The following EYS variants were observed in gnomAD, a reference collection of about 807,000 sequenced individuals.
EYS encodes protein eyes shut homolog.
A neutral mutation model predicts 282.1 loss-of-function variants in EYS; 250 were observed. The observed-to-expected ratio is 0.89, with a 90% confidence interval of 0.80 to 0.98. EYS has a LOEUF of 0.98. Among genes scored for constraint, EYS ranks in the 50% least tolerant of loss-of-function variants. EYS has a pLI of 0.00. For synonymous variants in EYS, 1,355 were observed against 1,282.9 expected (o/e 1.06, Z -1.20); for missense variants, 4,016 against 3,709.0 (o/e 1.08, Z -2.15).
intron 12 of EYS, among the ~76,000 whole-genome samples, chr6:65,135,733 T>C (rs1186214422): frequency 6.6e-6 from 1 of 151,982 alleles, no homozygotes; most frequent in Non-Finnish European, 1.5e-5. Flanking sequence ...TTATTTGTGA[T>C]TTCGTTTGAT....
intron 32 of EYS, among the ~76,000 whole-genome samples, chr6:64,076,810 G>A (rs988471019): frequency 2.0e-5 from 3 of 151,892 alleles, no homozygotes; most frequent in Non-Finnish European, 4.4e-5. Context: ...TTGGTGAGGA[G>A]ATGTAAGCAC....
intron 26 of EYS, among the ~76,000 whole-genome samples, chr6:64,564,370 C>T (rs1465287537): frequency 1.4e-5 from 2 of 143,048 alleles, no homozygotes; most frequent in South Asian, 2.2e-4. Context: ...CTCTGCCTCC[C>T]GGGTTCAAGC....
At chr6:65,301,829 A>G (rs1768843925) in intron 11 of EYS, among the ~76,000 whole-genome samples, 1 of 152,186 alleles carries the variant, frequency 6.6e-6, no homozygotes, top group Admixed American at 6.5e-5. Context: ...TACTGTTGAC[A>G]TCTTCCAGGC....
At position 64,590,411 on chromosome 6, in the gene EYS, T is replaced by C. The variant is rs1196508961; in HGVS notation, c.5456A>G (p.Tyr1819Cys). ...SMSVIRPDWPYFTDYMTSLKK... is the reference protein window; with the variant it reads ...SMSVIRPDWPCFTDYMTSLKK... ...AAGAGAGGTCATATAATCTGTAAAA[T>C]ATGGCCAATCTGGCCTAATTACAGA... is the stretch of plus-strand genomic sequence containing the variant. The change falls in exon 26 of 43, where the codon TAT (tyrosine) becomes TGT (cysteine). Residue 1819 changes from tyrosine (Y) to cysteine (C), a missense_variant. Tyr to Cys is a radical substitution (Grantham distance 194, BLOSUM62 -2). Transcript: ENST00000503581. 2.6e-6 allele frequency: 4 copies of C among 1,551,252 alleles called. No homozygotes were observed. The highest frequency in any genetic ancestry group is 1.4e-5 in the African/African-American group (1 of 73,018).
At chr6:64,557,248 ACAC>A (rs924995538) in intron 26 of EYS, among the ~76,000 whole-genome samples, 2 of 120,124 alleles carry the variant, frequency 1.7e-5, no homozygotes, top group African/African-American at 6.2e-5. Context: ...ACACACACAC[ACAC>A]ATTTTATTAA....
At chr6:65,451,637 A>T (rs1764401424) in intron 5 of EYS, among the ~76,000 whole-genome samples, 1 of 152,038 alleles carries the variant, frequency 6.6e-6, no homozygotes. Flanking sequence ...TAGCTTAAAG[A>T]GTTTGCTCAA....
chr6:64,798,094 A>G (rs1343195261), intron 22 of EYS, among the ~76,000 whole-genome samples: 1 of 151,968 alleles, frequency 6.6e-6, no homozygotes, highest in South Asian at 2.1e-4. Flanking sequence ...CAAATTCAGA[A>G]GCAGATCACT....
At chr6:65,445,743 A>G (rs1001705611) in intron 5 of EYS, among the ~76,000 whole-genome samples, 2 of 151,794 alleles carry the variant, frequency 1.3e-5, no homozygotes, top group Non-Finnish European at 3.0e-5. Flanking sequence ...ATGTTTTCAT[A>G]TTTAACCGTC....
In EYS at chr6:64,798,576, A is replaced by G. The variant is rs115188349; in HGVS notation, c.3443+14802T>C. 4.1e-3 allele frequency among the ~76,000 whole-genome samples: 614 copies of G among 150,386 alleles called. 7 individuals are homozygous for G. Among genetic ancestry groups the G allele is most frequent in the African/African-American group, 0.014 (594 of 41,134 alleles). On this transcript the variant is annotated intron_variant, in intron 22 of 42. Coordinates refer to ENST00000503581, the MANE Select transcript of EYS (RefSeq NM_001142800.2). Reference sequence around the variant, plus strand: ...TTCCTAGGCCTACAGACCTGGTTTGAAGATTCATTCTGCCTGTTTCTTTGT... The same window carrying G: ...TTCCTAGGCCTACAGACCTGGTTTGGAGATTCATTCTGCCTGTTTCTTTGT...
At chr6:63,753,140 GTATATA>G (rs33925107) in intron 41 of EYS, among the ~76,000 whole-genome samples, 6,359 of 135,996 alleles carry the variant, frequency 0.047, 237 homozygotes, top group African/African-American at 0.1. Context: ...GTGTGTGTGT[GTATATA>G]TATATATATA....
chr6:65,681,415 G>T (rs1320072910), intron 1 of EYS, among the ~76,000 whole-genome samples: 1 of 152,014 alleles, frequency 6.6e-6, no homozygotes, highest in Non-Finnish European at 1.5e-5. Flanking sequence ...ACACTTTGAA[G>T]AAAAATTTAA....
chr6:65,236,848 C>T (rs544113000), intron 12 of EYS, among the ~76,000 whole-genome samples: 10 of 152,256 alleles, frequency 6.6e-5, no homozygotes, highest in Non-Finnish European at 8.8e-5. Context: ...TTGCCTGATG[C>T]AAGCTAAGCA....
At chr6:64,235,522 C>G (rs889664923) in intron 30 of EYS, among the ~76,000 whole-genome samples, 1 of 152,116 alleles carries the variant, frequency 6.6e-6, no homozygotes, top group Non-Finnish European at 1.5e-5. Context: ...CAAGTCTTTG[C>G]TATTGTGAAT....
At chr6:64,599,760 G>A (rs583004) in intron 24 of EYS, among the ~76,000 whole-genome samples, 18,636 of 152,100 alleles carry the variant, frequency 0.12, 1,182 homozygotes, top group East Asian at 0.17. Context: ...CCTAAGAAGT[G>A]AGGCTCCAGA....
chr6:64,351,096 C>T (rs1771617805), intron 29 of EYS, among the ~76,000 whole-genome samples: 1 of 150,674 alleles, frequency 6.6e-6, no homozygotes, highest in South Asian at 2.1e-4. Flanking sequence ...ATTACCCAGC[C>T]TCAGGTATTT....
At chr6:64,108,437 G>T (rs1465601145) in intron 31 of EYS, among the ~76,000 whole-genome samples, 1 of 149,076 alleles carries the variant, frequency 6.7e-6, no homozygotes, top group Non-Finnish European at 1.5e-5. Flanking sequence ...TCAGCTTTTT[G>T]CTTGTTATGA....
intron 26 of EYS, among the ~76,000 whole-genome samples, chr6:64,524,026 A>T (rs1777841699): frequency 6.6e-6 from 1 of 151,654 alleles, no homozygotes; most frequent in Non-Finnish European, 1.5e-5. Context: ...TGTACTTTTT[A>T]CTTATCATCC....
chr6:64,235,986 A>T (rs894112313), intron 30 of EYS, among the ~76,000 whole-genome samples: 2 of 152,230 alleles, frequency 1.3e-5, no homozygotes, highest in Non-Finnish European at 2.9e-5. Flanking sequence ...GGCCAGCATC[A>T]TCCTGATACC....
At chr6:64,710,620 T>C (rs1771177418) in intron 22 of EYS, among the ~76,000 whole-genome samples, 1 of 152,254 alleles carries the variant, frequency 6.6e-6, no homozygotes, top group African/African-American at 2.4e-5. Flanking sequence ...CTTCCTTTGT[T>C]ACTTTGTGCA....
Sources: gnomAD v4.1 joint callset for allele counts (sites outside exome capture counted in the v4.1 genomes callset) on GRCh38, gnomAD v4.1.1 for gene constraint, MANE v1.5 for transcripts, NCBI Gene and HGNC (gene_info 2026-07-23, HGNC 2026-07-21) for gene names.